SEMA6D: variants seen among roughly 807,000 people sequenced by gnomAD.
The protein encoded by SEMA6D is semaphorin 6D, also known as semaphorin-6D.
A neutral mutation model predicts 106.6 loss-of-function variants in SEMA6D; 35 were observed. That is an observed-to-expected ratio of 0.33 (90% CI 0.25 to 0.44). The LOEUF (loss-of-function observed/expected upper bound fraction) is 0.44, where lower values mean the gene tolerates loss of function less well. SEMA6D is among the 20% of genes least tolerant of loss of function. SEMA6D has a pLI of 1.00. For synonymous variants in SEMA6D, 499 were observed against 487.7 expected, an observed-to-expected ratio of 1.02 and a Z score of -0.31; for missense variants, 1,185 against 1,345.9, an observed-to-expected ratio of 0.88 and a Z score of 1.87.
chr15:47,206,040 G>A (rs1326641189), intron 1 of SEMA6D, among the ~76,000 whole-genome samples: 1 of 152,056 alleles, frequency 6.6e-6, no homozygotes, highest in African/African-American at 2.4e-5. Flanking sequence ...ATCTTTAAAG[G>A]CTCTTCATTA....
intron 1 of SEMA6D, among the ~76,000 whole-genome samples, chr15:47,339,437 G>A (rs780019780): frequency 1.3e-5 from 2 of 152,132 alleles, no homozygotes; most frequent in African/African-American, 2.4e-5. Flanking sequence ...TGGTGTAGAG[G>A]GGAAGCCTCT....
rs149070663 is a variant in SEMA6D at position 47,619,426 on chromosome 15, G to A, written c.-55+18530G>A. Among the ~76,000 whole-genome samples, 19 of 152,350 alleles carry A rather than the reference G, an allele frequency of 1.2e-4. No homozygotes were observed. In the East Asian group the frequency reaches 3.7e-3, roughly 29 times the overall value. Reference sequence around the variant, plus strand: ...TCGCACTTGGCCAGTGGGCCTGCAGGCCAGAGCCCAGGTATGAGGACGTGT... The same window carrying A: ...TCGCACTTGGCCAGTGGGCCTGCAGACCAGAGCCCAGGTATGAGGACGTGT... On this transcript the variant is annotated intron_variant, in intron 4 of 19. Transcript: ENST00000558014.
At chr15:47,418,881 T>C in intron 2 of SEMA6D, among the ~76,000 whole-genome samples, 1 of 152,166 alleles carries the variant, frequency 6.6e-6, no homozygotes, top group Non-Finnish European at 1.5e-5. Flanking sequence ...ATGAAAGTTC[T>C]CTTTTGATTG....
intron 1 of SEMA6D, among the ~76,000 whole-genome samples, chr15:47,258,109 T>C (rs2033900631): frequency 6.6e-6 from 1 of 152,188 alleles, no homozygotes; most frequent in African/African-American, 2.4e-5. Context: ...TTATTTTTGA[T>C]TTGAAGTAAG....
intron 1 of SEMA6D, among the ~76,000 whole-genome samples, chr15:47,752,071 T>C (rs1361367428): frequency 6.6e-6 from 1 of 152,130 alleles, no homozygotes. Context: ...GGGGCAGGAC[T>C]CAGAACCTGA....
chr15:47,520,621 T>G (rs1387223021), intron 3 of SEMA6D, among the ~76,000 whole-genome samples: 1 of 152,230 alleles, frequency 6.6e-6, no homozygotes, highest in East Asian at 1.9e-4. Context: ...CAGAAACTTC[T>G]GGAAGCTGGT....
At chr15:47,243,112 T>C (rs2033009091) in intron 1 of SEMA6D, among the ~76,000 whole-genome samples, 3 of 152,058 alleles carry the variant, frequency 2.0e-5, no homozygotes, top group Non-Finnish European at 4.4e-5. Context: ...GAAATTGGAA[T>C]CTCCAAACCT....
At chr15:47,302,314 TTTTCTGTCTC>T (rs2036054799) in intron 1 of SEMA6D, among the ~76,000 whole-genome samples, 1 of 152,040 alleles carries the variant, frequency 6.6e-6, no homozygotes, top group Admixed American at 6.6e-5. Flanking sequence ...ATGTAAGCCC[TTTTCTGTCTC>T]TTGCAAGTTT....
intron 4 of SEMA6D, among the ~76,000 whole-genome samples, chr15:47,611,475 G>A (rs1277517814): frequency 6.6e-6 from 1 of 152,126 alleles, no homozygotes; most frequent in Non-Finnish European, 1.5e-5. Flanking sequence ...ATAGCACTTT[G>A]TATACAATAT....
intron 4 of SEMA6D, among the ~76,000 whole-genome samples, chr15:47,685,549 G>A (rs2145664464): frequency 6.6e-6 from 1 of 152,260 alleles, no homozygotes; most frequent in South Asian, 2.1e-4. Flanking sequence ...ATCAAACTTT[G>A]CCCAGTGAGG....
At chr15:47,560,429 A>G (rs2046044947) in intron 3 of SEMA6D, among the ~76,000 whole-genome samples, 1 of 152,082 alleles carries the variant, frequency 6.6e-6, no homozygotes, top group East Asian at 1.9e-4. Context: ...TCTGAAGTAA[A>G]AAAGAAAATA....
Position 47,621,002 on chromosome 15 carries a change from G to GA in SEMA6D, c.-55+20115dup, listed in dbSNP as rs200711323. Among the ~76,000 whole-genome samples, 489 of 150,082 alleles carry GA rather than the reference G, an allele frequency of 3.3e-3. 5 individuals are homozygous for GA. The highest frequency in any genetic ancestry group is 0.012 in the African/African-American group (475 of 40,864). On this transcript the variant is annotated intron_variant, in intron 4 of 19. Coordinates refer to the SEMA6D transcript ENST00000558014. Reference sequence around the variant, plus strand: ...AGAAGAAGAACACACAGGGTGATATGAAAAAAAAACCCTGTGTTGCATACA... The same window carrying GA: ...AGAAGAAGAACACACAGGGTGATATGAAAAAAAAAACCCTGTGTTGCATACA...
chr15:47,257,233 AT>A (rs1287790534), intron 1 of SEMA6D, among the ~76,000 whole-genome samples: 2 of 151,794 alleles, frequency 1.3e-5, no homozygotes, highest in East Asian at 3.9e-4. Flanking sequence ...AATTTTTTGT[AT>A]TTTTAGTAGA....
At chr15:47,468,844 G>A (rs749360850) in intron 2 of SEMA6D, among the ~76,000 whole-genome samples, 8 of 152,186 alleles carry the variant, frequency 5.3e-5, no homozygotes, top group African/African-American at 1.4e-4. Flanking sequence ...GGCTGCATTC[G>A]CTTACCCTCA....
At chr15:47,377,368 G>A (rs186002921) in intron 1 of SEMA6D, among the ~76,000 whole-genome samples, 1 of 152,260 alleles carries the variant, frequency 6.6e-6, no homozygotes, top group Admixed American at 6.5e-5. Flanking sequence ...AATTCAATGA[G>A]ATGGAAATAG....
chr15:47,544,754 T>C (rs1359512775), intron 3 of SEMA6D, among the ~76,000 whole-genome samples: 1 of 141,828 alleles, frequency 7.1e-6, no homozygotes, highest in East Asian at 2.1e-4. Context: ...AAAACAACTT[T>C]AGGGGAATCA....
rs772483243 is a variant in SEMA6D at position 47,382,834 on chromosome 15, C to T, written c.-238-29559C>T. Among the ~76,000 whole-genome samples the T allele has an allele frequency of 5.7e-4, 87 of 152,298 alleles. No homozygotes were observed. In the Middle Eastern group the frequency reaches 0.01, roughly 18 times the overall value. On this transcript the variant is annotated intron_variant, in intron 1 of 19. Coordinates refer to the SEMA6D transcript ENST00000558014. ...CCAGGCTGAAGTGCAGTGGCATGAT[C>T]TTGGCTCACTGTAACCTCCGGCTCC...
At chr15:47,363,112 G>A (rs2038874298) in intron 1 of SEMA6D, among the ~76,000 whole-genome samples, 1 of 152,034 alleles carries the variant, frequency 6.6e-6, no homozygotes, top group African/African-American at 2.4e-5. Context: ...AAGTTGTACT[G>A]TAACTCAGCT....
At chr15:47,500,359 A>G (rs1302110343) in intron 3 of SEMA6D, among the ~76,000 whole-genome samples, 4 of 152,146 alleles carry the variant, frequency 2.6e-5, no homozygotes, top group Non-Finnish European at 5.9e-5. Flanking sequence ...TCTAAATTGT[A>G]TATTTCTGTG....
Sources: gnomAD v4.1 joint callset for allele counts (sites outside exome capture counted in the v4.1 genomes callset) on GRCh38, gnomAD v4.1.1 for gene constraint, MANE v1.5 for transcripts, NCBI Gene and HGNC (gene_info 2026-07-23, HGNC 2026-07-21) for gene names.